Variants in SCARA3 observed in about 807,000 individuals in gnomAD.
SCARA3 encodes scavenger receptor class A member 3.
A neutral mutation model predicts 47.0 loss-of-function variants in SCARA3; 39 were observed. The ratio of observed to expected loss-of-function variants is 0.83; its 90% CI spans 0.64 to 1.08. The LOEUF (loss-of-function observed/expected upper bound fraction) is 1.08. Among genes scored for constraint, SCARA3 ranks in the 50% least tolerant of loss-of-function variants. The pLI is 0.00. For synonymous variants in SCARA3, 356 were observed against 334.1 expected (o/e 1.07, Z -0.71); for missense variants, 724 against 792.3 (o/e 0.91, Z 1.04).
intron 1 of SCARA3, among the ~76,000 whole-genome samples, chr8:27,643,738 A>G (rs542666144): frequency 6.6e-6 from 1 of 152,366 alleles, no homozygotes; most frequent in East Asian, 1.9e-4. Context: ...TGAACCCTGC[A>G]GAAGATAATT....
downstream of SCARA3, among the ~76,000 whole-genome samples, chr8:27,673,613 AC>A (rs1328166016): frequency 4.6e-5 from 7 of 152,202 alleles, no homozygotes; most frequent in Non-Finnish European, 8.8e-5. Context: ...ATGGGGCCAA[AC>A]ATGGCTGCCT....
chr8:27,670,474 C>T (rs1214230190), intron 5 of SCARA3, among the ~76,000 whole-genome samples: 1 of 152,132 alleles, frequency 6.6e-6, no homozygotes, highest in Non-Finnish European at 1.5e-5. Context: ...TTTCTCATGC[C>T]CCACTTTCTT....
At chr8:27,647,379 G>A (rs949803518) in intron 1 of SCARA3, among the ~76,000 whole-genome samples, 10 of 152,168 alleles carry the variant, frequency 6.6e-5, no homozygotes, top group Non-Finnish European at 8.8e-5. Context: ...TAAACCCCAG[G>A]TCTCCTTTGT....
At chr8:27,645,193 C>G (rs1035659578) in intron 1 of SCARA3, among the ~76,000 whole-genome samples, 1 of 152,244 alleles carries the variant, frequency 6.6e-6, no homozygotes, top group African/African-American at 2.4e-5. Flanking sequence ...CATGGAGAAT[C>G]CTAAGAATAA....
the SCARA3 span, among the ~76,000 whole-genome samples, chr8:27,720,618 C>CTCCA: frequency 0.54 from 77,739 of 145,268 alleles, 21,124 homozygotes; most frequent in East Asian, 0.62. Context: ...TCCTTTCTAT[C>CTCCA]TCCATCCATC....
In SCARA3 at chr8:27,651,512, G is replaced by A; in HGVS notation, c.111G>A (p.Arg37=). Residue 37 remains arginine (R), a synonymous_variant, in exon 3 of 6, where the codon CGG becomes CGA. Transcript: ENST00000301904. ...TCCTCCTTGTGTCCCCCACAGGCCGGCCAGGGCCCCGCTGCAGCCGCTGCC... is the reference window on the plus strand; with the variant it reads ...TCCTCCTTGTGTCCCCCACAGGCCGACCAGGGCCCCGCTGCAGCCGCTGCC... ...MPTFPCTQKG[R]PGPRCSRCQK... 6.2e-7 allele frequency: 1 copy of A among 1,612,016 alleles called. No individual in the cohort carries two copies. Among genetic ancestry groups the A allele is most frequent in the Non-Finnish European group, 8.5e-7 (1 of 1,179,978 alleles).
chr8:27,709,806 C>T, the SCARA3 span, among the ~76,000 whole-genome samples: 2 of 152,096 alleles, frequency 1.3e-5, no homozygotes, highest in Non-Finnish European at 2.9e-5. Context: ...TAGCCAGATG[C>T]CACCCACTAT....
In SCARA3 at chr8:27,646,966, G is replaced by GCGCCCCCC. The variant is rs1801509553; in HGVS notation, c.8-2735_8-2734insGCCCCCCC. Among the ~76,000 whole-genome samples, 4 of 29,856 alleles carry GCGCCCCCC rather than the reference G, an allele frequency of 1.3e-4. 1 individual carries two copies. The highest frequency in any genetic ancestry group is 2.4e-4 in the Non-Finnish European group (4 of 16,990). The allele number at this position is 29,856 out of a possible 152,430, so 19.6% of individuals were successfully genotyped here. On this transcript the variant is annotated intron_variant, in intron 1 of 5. Coordinates refer to ENST00000301904, the MANE Select transcript of SCARA3 (RefSeq NM_016240.3). ...AAAGCACTTGCCCGCACCCCTGACC[G>GCGCCCCCC]CCCCCGCCCCCCCCCCGCACACACA...
At chr8:27,665,597 C>T (rs1421402066) in intron 5 of SCARA3, among the ~76,000 whole-genome samples, 1 of 152,174 alleles carries the variant, frequency 6.6e-6, no homozygotes. Context: ...GTCTCAAACT[C>T]GGGCTCAAGC....
intron 3 of SCARA3, among the ~76,000 whole-genome samples, chr8:27,655,068 T>C (rs1359306669): frequency 1.3e-5 from 2 of 152,230 alleles, no homozygotes; most frequent in African/African-American, 4.8e-5. Context: ...ATGTTGCTGT[T>C]ACTAATTAAG....
chr8:27,676,579 G>T, downstream of SCARA3: 1 of 1,598,254 alleles, frequency 6.3e-7, no homozygotes, highest in Non-Finnish European at 8.6e-7. Flanking sequence ...GTCACACTTT[G>T]TTTTCACATA....
At chr8:27,656,501 A>AT (rs980428307) in intron 3 of SCARA3, among the ~76,000 whole-genome samples, 5 of 151,792 alleles carry the variant, frequency 3.3e-5, no homozygotes, top group African/African-American at 1.2e-4. Context: ...AATAAGAATA[A>AT]TTTTTTTTTA....
chr8:27,634,351 C>T (rs1003858206), intron 1 of SCARA3, 144 bp downstream of exon 1: 2 of 647,516 alleles, frequency 3.1e-6, no homozygotes, highest in African/African-American at 1.9e-5. Context: ...TTTGGGCATC[C>T]TGCGAGACAG....
chr8:27,699,541 A>G, the SCARA3 span, among the ~76,000 whole-genome samples: 14 of 152,106 alleles, frequency 9.2e-5, no homozygotes, highest in African/African-American at 2.7e-4. Flanking sequence ...GACAAAACTG[A>G]TTCTAAAAAT....
the SCARA3 span, among the ~76,000 whole-genome samples, chr8:27,683,444 A>G: frequency 1.3e-5 from 2 of 152,182 alleles, no homozygotes; most frequent in Non-Finnish European, 2.9e-5. Flanking sequence ...TAAACTATAC[A>G]TTATAGAATC....
chr8:27,642,165 C>T (rs993448007), intron 1 of SCARA3, among the ~76,000 whole-genome samples: 2 of 152,032 alleles, frequency 1.3e-5, no homozygotes, highest in Non-Finnish European at 2.9e-5. Context: ...TCCTTTTTCA[C>T]AAAGAATAAT....
the SCARA3 span, chr8:27,701,881 G>A: frequency 6.5e-6 from 1 of 154,306 alleles, no homozygotes; most frequent in Admixed American, 6.5e-5. Context: ...TGAGCTAAGG[G>A]ATGTTCAGTG....
At chr8:27,637,494 C>T (rs541727137) in intron 1 of SCARA3, among the ~76,000 whole-genome samples, 1 of 152,324 alleles carries the variant, frequency 6.6e-6, no homozygotes, top group East Asian at 1.9e-4. Context: ...AGTCCCGGCC[C>T]CATCATCTGC....
chr8:27,706,553 T>C, the SCARA3 span, among the ~76,000 whole-genome samples: 2 of 151,972 alleles, frequency 1.3e-5, no homozygotes, highest in African/African-American at 2.4e-5. Context: ...GGTGCAGAAC[T>C]GATTGGAGGA....
Sources: gnomAD v4.1 joint callset for allele counts (sites outside exome capture counted in the v4.1 genomes callset) on GRCh38, gnomAD v4.1.1 for gene constraint, MANE v1.5 for transcripts, NCBI Gene and HGNC (gene_info 2026-07-23, HGNC 2026-07-21) for gene names.